RAB28: variants seen among roughly 807,000 people sequenced by gnomAD.
RAB28 encodes ras-related protein Rab-28.
RAB28 carries 24 observed loss-of-function variants against 31.7 expected under a neutral mutation model. The observed-to-expected ratio is 0.76, with a 90% CI of 0.55 to 1.06. RAB28 has a LOEUF of 1.06. Among genes scored for constraint, RAB28 ranks in the 50% least tolerant of loss-of-function variants. RAB28 has a pLI of 0.00. For missense variants in RAB28, 254 were observed against 258.5 expected, an observed-to-expected ratio of 0.98 and a Z score of 0.12; for synonymous variants, 100 against 90.4, an observed-to-expected ratio of 1.11 and a Z score of -0.60.
At chr4:13,389,501 T>G (rs1441397268) in intron 4 of RAB28, among the ~76,000 whole-genome samples, 1 of 152,120 alleles carries the variant, frequency 6.6e-6, no homozygotes, top group African/African-American at 2.4e-5. Context: ...CTACAGTTAT[T>G]GATAATCCAC....
chr4:13,464,223 C>CCA (rs1294420503), intron 3 of RAB28, among the ~76,000 whole-genome samples: 4 of 152,006 alleles, frequency 2.6e-5, no homozygotes, highest in African/African-American at 9.7e-5. Flanking sequence ...TCCAGATATC[C>CCA]CACCAGATTA....
At chr4:13,412,524 C>T (rs1712499565) in intron 4 of RAB28, among the ~76,000 whole-genome samples, 1 of 152,050 alleles carries the variant, frequency 6.6e-6, no homozygotes. Flanking sequence ...TTCTAAGAGC[C>T]TCTTTAAAAA....
intron 4 of RAB28, among the ~76,000 whole-genome samples, chr4:13,441,319 A>T (rs534661758): frequency 6.6e-6 from 1 of 152,334 alleles, no homozygotes; most frequent in Non-Finnish European, 1.5e-5. Context: ...CATCCTAAAG[A>T]ATCACTCGAT....
At chr4:13,448,737 A>G (rs1441965099) in intron 4 of RAB28, among the ~76,000 whole-genome samples, 2 of 152,090 alleles carry the variant, frequency 1.3e-5, no homozygotes, top group Admixed American at 6.5e-5. Context: ...TGCTATCAAC[A>G]TGTCCTTAAA....
At chr4:13,370,944 C>G in intron 6 of RAB28, 1 of 976,798 alleles carries the variant, frequency 1.0e-6, no homozygotes, top group Non-Finnish European at 1.2e-6. Context: ...ACACAGATAA[C>G]ATGTTACCCA....
intron 4 of RAB28, among the ~76,000 whole-genome samples, chr4:13,447,232 T>A (rs1425500222): frequency 6.6e-6 from 1 of 152,168 alleles, no homozygotes; most frequent in Non-Finnish European, 1.5e-5. Flanking sequence ...GCCATAGTGA[T>A]CCTTTCCAAA....
intron 4 of RAB28, among the ~76,000 whole-genome samples, chr4:13,433,945 A>G (rs1713956073): frequency 6.6e-6 from 1 of 152,208 alleles, no homozygotes; most frequent in South Asian, 2.1e-4. Context: ...TATAAAGAAA[A>G]TGTGGTATAT....
At chr4:13,393,855 CAAAAA>C (rs759509251) in intron 4 of RAB28, among the ~76,000 whole-genome samples, 4 of 79,380 alleles carry the variant, frequency 5.0e-5, no homozygotes, top group Non-Finnish European at 9.6e-5. Context: ...TCACAGGCTA[CAAAAA>C]AAAAAAAAAA....
intron 4 of RAB28, among the ~76,000 whole-genome samples, chr4:13,413,111 C>T (rs1712539559): frequency 6.6e-6 from 1 of 151,862 alleles, no homozygotes; most frequent in Non-Finnish European, 1.5e-5. Flanking sequence ...AAAATAATTT[C>T]ACAAAAAAAT....
chr4:13,465,435 T>C (rs983514023), intron 3 of RAB28, among the ~76,000 whole-genome samples: 31 of 150,212 alleles, frequency 2.1e-4, no homozygotes, highest in African/African-American at 7.3e-4. Context: ...TGAAAAAGCA[T>C]AAAAATTACA....
chr4:13,446,643 C>CCT (rs1714713335), intron 4 of RAB28, among the ~76,000 whole-genome samples: 1 of 152,126 alleles, frequency 6.6e-6, no homozygotes, highest in Admixed American at 6.5e-5. Flanking sequence ...GAAGCGATGC[C>CCT]CTATCCTGCT....
At chr4:13,420,686 G>C (rs573352056) in intron 4 of RAB28, among the ~76,000 whole-genome samples, 1 of 152,230 alleles carries the variant, frequency 6.6e-6, no homozygotes, top group East Asian at 1.9e-4. Flanking sequence ...ATGCAGAAAA[G>C]GCCTTGACAG....
chr4:13,406,270 T>TTAA (rs1382580281), intron 4 of RAB28, among the ~76,000 whole-genome samples: 5 of 152,180 alleles, frequency 3.3e-5, no homozygotes, highest in Non-Finnish European at 5.9e-5. Flanking sequence ...TCTGTTACTC[T>TTAA]GTTAGTTTGC....
intron 3 of RAB28, among the ~76,000 whole-genome samples, chr4:13,471,416 G>C (rs192404121): frequency 6.6e-6 from 1 of 152,160 alleles, no homozygotes; most frequent in East Asian, 1.9e-4. Context: ...TAACAAAATA[G>C]ACCACTGGTC....
At chr4:13,382,104 G>A (rs1729157377) in intron 4 of RAB28, among the ~76,000 whole-genome samples, 1 of 152,162 alleles carries the variant, frequency 6.6e-6, no homozygotes, top group Non-Finnish European at 1.5e-5. Flanking sequence ...TACATTGTGT[G>A]TTTACATTAA....
intron 4 of RAB28, among the ~76,000 whole-genome samples, chr4:13,421,440 A>T (rs1005515101): frequency 6.6e-6 from 1 of 152,224 alleles, no homozygotes; most frequent in Non-Finnish European, 1.5e-5. Context: ...AAGAGCCTGC[A>T]TTGCCAAGAC....
At chr4:13,377,297 C>G (rs958981207) in intron 5 of RAB28, among the ~76,000 whole-genome samples, 5 of 152,192 alleles carry the variant, frequency 3.3e-5, no homozygotes, top group African/African-American at 1.2e-4. Flanking sequence ...CTGACATTTA[C>G]TGTAGTATAA....
intron 4 of RAB28, among the ~76,000 whole-genome samples, chr4:13,441,308 G>A (rs924017053): frequency 5.3e-5 from 8 of 152,114 alleles, no homozygotes; most frequent in African/African-American, 1.9e-4. Context: ...AAAGTTGAAA[G>A]CATCCTAAAG....
chr4:13,381,149 T>C (rs1319966728), intron 5 of RAB28, among the ~76,000 whole-genome samples: 2 of 151,904 alleles, frequency 1.3e-5, no homozygotes, highest in East Asian at 1.9e-4. Context: ...AAGTAAGCAC[T>C]CAATGAATGC....
Sources: gnomAD v4.1 joint callset for allele counts (sites outside exome capture counted in the v4.1 genomes callset) on GRCh38, gnomAD v4.1.1 for gene constraint, MANE v1.5 for transcripts, NCBI Gene and HGNC (gene_info 2026-07-23, HGNC 2026-07-21) for gene names.